The following SEMA3D variants were observed in gnomAD, a reference collection of about 807,000 sequenced individuals.
The protein encoded by SEMA3D is semaphorin 3D.
A neutral mutation model predicts 100.1 loss-of-function variants in SEMA3D; 84 were observed. That is an observed-to-expected ratio of 0.84 (90% CI 0.70 to 1.01). SEMA3D has a LOEUF of 1.01. Among genes scored for constraint, SEMA3D ranks in the 50% least tolerant of loss-of-function variants. The pLI, the probability that SEMA3D is intolerant of heterozygous loss-of-function variation, is 0.00. For missense variants in SEMA3D, 875 were observed against 934.1 expected, an observed-to-expected ratio of 0.94 and a Z score of 0.82; for synonymous variants, 312 against 320.7, an observed-to-expected ratio of 0.97 and a Z score of 0.29.
intron 2 of SEMA3D, among the ~76,000 whole-genome samples, chr7:85,152,993 A>T (rs898282556): frequency 2.6e-5 from 4 of 152,142 alleles, no homozygotes; most frequent in Admixed American, 6.6e-5. Flanking sequence ...CTATTTGCAG[A>T]TGATTCCTAA....
intron 12 of SEMA3D, among the ~76,000 whole-genome samples, chr7:85,023,614 G>C (rs1790314218): frequency 2.0e-5 from 3 of 151,780 alleles, no homozygotes; most frequent in Non-Finnish European, 4.4e-5. Context: ...TTTTAGAGAA[G>C]TTGGAAACAG....
intron 2 of SEMA3D, chr7:85,141,611 C>T (rs1790054125): frequency 5.1e-6 from 5 of 984,214 alleles, no homozygotes; most frequent in Non-Finnish European, 4.8e-6. Context: ...CTCTATAAAT[C>T]ATTTCTGGCA....
intron 6 of SEMA3D, among the ~76,000 whole-genome samples, chr7:85,072,243 C>T (rs545218921): frequency 6.2e-4 from 94 of 152,260 alleles, no homozygotes; most frequent in African/African-American, 2.2e-3. Context: ...ATCTGGAATA[C>T]ATGACTCCTA....
At chr7:85,098,242 T>C (rs931859229) in intron 3 of SEMA3D, among the ~76,000 whole-genome samples, 1 of 151,926 alleles carries the variant, frequency 6.6e-6, no homozygotes, top group Middle Eastern at 3.4e-3. Flanking sequence ...TCAACGTAAT[T>C]ATTTAGAAAT....
chr7:85,233,009 T>A, the SEMA3D span, among the ~76,000 whole-genome samples: 8 of 152,142 alleles, frequency 5.3e-5, no homozygotes, highest in Non-Finnish European at 1.2e-4. Context: ...CCTCTTTAAA[T>A]CCTCTTCATT....
the SEMA3D span, among the ~76,000 whole-genome samples, chr7:85,222,676 C>T: frequency 4.6e-5 from 7 of 152,028 alleles, no homozygotes; most frequent in Non-Finnish European, 1.0e-4. Context: ...AAGGCATTGC[C>T]CTGCACTTCA....
At chr7:85,229,620 A>G in the SEMA3D span, among the ~76,000 whole-genome samples, 2 of 152,056 alleles carry the variant, frequency 1.3e-5, no homozygotes, top group African/African-American at 4.8e-5. Flanking sequence ...AACCAAAGAA[A>G]ATGAATAAAA....
chr7:85,092,580 T>C (rs1461861376), intron 4 of SEMA3D, among the ~76,000 whole-genome samples: 1 of 152,068 alleles, frequency 6.6e-6, no homozygotes, highest in Non-Finnish European at 1.5e-5. Flanking sequence ...AGATATATAT[T>C]AAATGATGCT....
chr7:85,056,944 G>C (rs1791336326), intron 8 of SEMA3D, among the ~76,000 whole-genome samples: 1 of 146,210 alleles, frequency 6.8e-6, no homozygotes, highest in Non-Finnish European at 1.5e-5. Context: ...GCAAAGGCTG[G>C]TTATATAATA....
At chr7:85,207,259 G>A in the SEMA3D span, among the ~76,000 whole-genome samples, 1 of 152,002 alleles carries the variant, frequency 6.6e-6, no homozygotes, top group African/African-American at 2.4e-5. Flanking sequence ...GCCAAACACC[G>A]TAAAAGAGGA....
chr7:85,026,467 A>G (rs1044142565), intron 12 of SEMA3D, among the ~76,000 whole-genome samples: 6 of 152,190 alleles, frequency 3.9e-5, no homozygotes, highest in Middle Eastern at 6.8e-3. Flanking sequence ...AACAATAGCA[A>G]TAAGATGTTA....
chr7:85,245,728 G>A, the SEMA3D span, among the ~76,000 whole-genome samples: 3 of 151,954 alleles, frequency 2.0e-5, no homozygotes, highest in East Asian at 5.8e-4. Flanking sequence ...AAGATTAAAT[G>A]GGTACAACAA....
intron 4 of SEMA3D, among the ~76,000 whole-genome samples, chr7:85,085,914 C>T (rs539299021): frequency 6.6e-6 from 1 of 152,156 alleles, no homozygotes; most frequent in South Asian, 2.1e-4. Context: ...GCTTATAAGT[C>T]ACATAATTGT....
chr7:85,080,351 A>C (rs1432444733), intron 5 of SEMA3D, among the ~76,000 whole-genome samples: 1 of 152,176 alleles, frequency 6.6e-6, no homozygotes, highest in East Asian at 1.9e-4. Context: ...GTCTGAGATT[A>C]TTAGCCTTCT....
chr7:85,123,337 G>A (rs1461954536), intron 2 of SEMA3D, among the ~76,000 whole-genome samples: 1 of 152,002 alleles, frequency 6.6e-6, no homozygotes, highest in Non-Finnish European at 1.5e-5. Context: ...TAGATTTATT[G>A]GTGATAGCTT....
At chr7:85,228,707 T>C in the SEMA3D span, among the ~76,000 whole-genome samples, 1 of 152,070 alleles carries the variant, frequency 6.6e-6, no homozygotes, top group African/African-American at 2.4e-5. Context: ...GTTTTTCTTA[T>C]TGTTTTATGC....
the SEMA3D span, among the ~76,000 whole-genome samples, chr7:85,224,412 T>C: frequency 6.6e-6 from 1 of 152,188 alleles, no homozygotes; most frequent in African/African-American, 2.4e-5. Context: ...ACTTGCAACA[T>C]AGACTGCATC....
chr7:85,199,421 C>T, the SEMA3D span, among the ~76,000 whole-genome samples: 2 of 152,200 alleles, frequency 1.3e-5, no homozygotes, highest in African/African-American at 4.8e-5. Flanking sequence ...GTAGTTTCTA[C>T]TATATAAAGC....
intron 8 of SEMA3D, among the ~76,000 whole-genome samples, chr7:85,063,887 C>T (rs887814783): frequency 1.3e-5 from 2 of 152,252 alleles, no homozygotes; most frequent in East Asian, 1.9e-4. Flanking sequence ...TCCCTGAGGT[C>T]GGTGACCCTC....
Sources: allele counts gnomAD v4.1 joint callset (sites outside exome capture counted in the v4.1 genomes callset), GRCh38; gene constraint gnomAD v4.1.1; transcripts MANE v1.5; gene names NCBI Gene and HGNC (gene_info 2026-07-23, HGNC 2026-07-21).